CTNNA3: variants seen among roughly 807,000 people sequenced by gnomAD.
CTNNA3 encodes the protein catenin alpha-3.
CTNNA3 carries 76 observed loss-of-function variants against 95.7 expected under a neutral mutation model. That is an observed-to-expected ratio of 0.79 (90% CI 0.66 to 0.96). CTNNA3 has a LOEUF of 0.96. Ranked by LOEUF, CTNNA3 falls within the 40% of genes least tolerant of loss-of-function variation. CTNNA3 has a pLI of 0.00. For missense variants in CTNNA3, 1,191 were observed against 1,089.8 expected (o/e 1.09, Z -1.31); for synonymous variants, 431 against 374.4 (o/e 1.15, Z -1.74).
intron 5 of CTNNA3, among the ~76,000 whole-genome samples, chr10:67,364,276 C>T (rs114343525): frequency 0.017 from 2,578 of 152,206 alleles, 68 homozygotes; most frequent in African/African-American, 0.059. Flanking sequence ...AATTCAACAG[C>T]CTTTTATGTC....
chr10:67,583,820 C>T (rs187211951), intron 3 of CTNNA3, among the ~76,000 whole-genome samples: 2 of 152,274 alleles, frequency 1.3e-5, no homozygotes, highest in Non-Finnish European at 2.9e-5. Context: ...GATCTTCAAT[C>T]GCTGATACCC....
intron 5 of CTNNA3, among the ~76,000 whole-genome samples, chr10:67,340,031 T>C (rs993144960): frequency 1.3e-5 from 2 of 152,188 alleles, no homozygotes; most frequent in African/African-American, 4.8e-5. Context: ...TTTAAATGCC[T>C]AATAAAATAA....
At chr10:66,717,289 C>G (rs569998817) in intron 9 of CTNNA3, among the ~76,000 whole-genome samples, 2 of 152,144 alleles carry the variant, frequency 1.3e-5, no homozygotes, top group Non-Finnish European at 2.9e-5. Flanking sequence ...ATTCCATCTT[C>G]TTTTATCCCA....
chr10:66,266,641 C>T lies in CTNNA3; in HGVS notation c.1884+13829G>A, dbSNP rs1157797766. On this transcript the variant is annotated intron_variant, in intron 13 of 17. Coordinates refer to ENST00000433211, the MANE Select transcript of CTNNA3 (RefSeq NM_013266.4). ...CACTTCAATCCCTTCACCTTGGCTG[C>T]TCTAGTAGTGAACATGCCTGACTAC... 3.3e-5 allele frequency among the ~76,000 whole-genome samples: 5 copies of T among 152,044 alleles called. No individual in the cohort carries two copies. In the East Asian group the frequency reaches 5.8e-4, roughly 18 times the overall value.
intron 14 of CTNNA3, among the ~76,000 whole-genome samples, chr10:66,073,760 A>G (rs2080490070): frequency 6.6e-6 from 1 of 152,024 alleles, no homozygotes. Flanking sequence ...TCTGAATATG[A>G]TGGAATTGTG....
intron 1 of CTNNA3, among the ~76,000 whole-genome samples, chr10:67,739,846 C>G (rs1841325003): frequency 1.3e-5 from 2 of 152,144 alleles, no homozygotes; most frequent in African/African-American, 2.4e-5. Flanking sequence ...GGCCGCATCG[C>G]CAAGTCAATC....
intron 6 of CTNNA3, among the ~76,000 whole-genome samples, chr10:67,197,409 T>C (rs183515009): frequency 6.6e-6 from 1 of 152,200 alleles, no homozygotes; most frequent in Admixed American, 6.6e-5. Context: ...GCAGGTTAAG[T>C]ACAAGCCCTG....
At chr10:66,215,730 A>G (rs2088488100) in intron 13 of CTNNA3, among the ~76,000 whole-genome samples, 2 of 152,218 alleles carry the variant, frequency 1.3e-5, no homozygotes, top group Non-Finnish European at 1.5e-5. Context: ...AGAACCATGG[A>G]AGGAGGAGTG....
At chr10:66,013,926 C>T (rs2133400476) in intron 15 of CTNNA3, among the ~76,000 whole-genome samples, 2 of 152,140 alleles carry the variant, frequency 1.3e-5, no homozygotes, top group East Asian at 3.9e-4. Flanking sequence ...AAGCTGTTTG[C>T]CTTGACTAGA....
chr10:66,437,518 C>T (rs964098529), intron 11 of CTNNA3, among the ~76,000 whole-genome samples: 2 of 152,042 alleles, frequency 1.3e-5, no homozygotes, highest in Non-Finnish European at 2.9e-5. Context: ...AGTTCTCATG[C>T]TGTGTTTTTC....
intron 15 of CTNNA3, among the ~76,000 whole-genome samples, chr10:66,065,244 TG>T (rs1438782651): frequency 2.6e-4 from 40 of 151,974 alleles, no homozygotes; most frequent in African/African-American, 7.7e-4. Flanking sequence ...TTTTTTGTTT[TG>T]TTTTGTTTTG....
At position 66,331,338 on chromosome 10, in the gene CTNNA3, G is replaced by GCTTGCTTTTTTTTTTTTTTTTTTTTTT. The variant is rs1417713676; in HGVS notation, c.1732+47813_1732+47814insAAAAAAAAAAAAAAAAAAAAAAGCAAG. On this transcript the variant is annotated intron_variant, in intron 12 of 17. Transcript: ENST00000433211. ...TTAAATATGGACTCCTTTCCCCATT[G>GCTTGCTTTTTTTTTTTTTTTTTTTTTT]TTTGTTTTTTTTTTTTTTTTTTTTT... is the stretch of plus-strand genomic sequence containing the variant. 3.3e-4 allele frequency among the ~76,000 whole-genome samples: 13 copies of GCTTGCTTTTTTTTTTTTTTTTTTTTTT among 39,116 alleles called. 4 individuals carry two copies. The highest frequency in any genetic ancestry group is 7.9e-4 in the African/African-American group (11 of 13,984). The allele number at this position is 39,116 out of a possible 152,430, so 25.7% of individuals were successfully genotyped here. A position where few individuals can be genotyped will look rare whatever the true frequency, so the allele number is the denominator to read the frequency against.
At chr10:67,670,881 T>G (rs527511223) in intron 1 of CTNNA3, among the ~76,000 whole-genome samples, 19 of 152,282 alleles carry the variant, frequency 1.2e-4, no homozygotes, top group African/African-American at 4.6e-4. Context: ...TAACTTTATG[T>G]GTATGGATGT....
At chr10:67,087,933 T>C (rs1857399279) in intron 7 of CTNNA3, among the ~76,000 whole-genome samples, 1 of 152,046 alleles carries the variant, frequency 6.6e-6, no homozygotes, top group African/African-American at 2.4e-5. Flanking sequence ...CATGGAGAAA[T>C]ATGATTAGTC....
At chr10:67,055,849 C>G (rs960350899) in intron 7 of CTNNA3, among the ~76,000 whole-genome samples, 5 of 152,044 alleles carry the variant, frequency 3.3e-5, no homozygotes, top group Non-Finnish European at 7.4e-5. Flanking sequence ...GATAAGTTGC[C>G]ACTGTAAATG....
At chr10:67,355,994 T>G (rs1418449727) in intron 5 of CTNNA3, among the ~76,000 whole-genome samples, 9 of 151,942 alleles carry the variant, frequency 5.9e-5, no homozygotes, top group Non-Finnish European at 4.4e-5. Context: ...GCCTTACAAC[T>G]TTAAAGACCA....
At chr10:67,453,522 T>C (rs1410520710) in intron 5 of CTNNA3, among the ~76,000 whole-genome samples, 1 of 152,208 alleles carries the variant, frequency 6.6e-6, no homozygotes, top group Non-Finnish European at 1.5e-5. Context: ...TAGTCAGATC[T>C]AGATCAACAA....
intron 9 of CTNNA3, among the ~76,000 whole-genome samples, chr10:66,640,978 A>T (rs552773594): frequency 1.4e-4 from 22 of 152,302 alleles, no homozygotes; most frequent in African/African-American, 5.3e-4. Flanking sequence ...GGAGAAAAAA[A>T]CAAAAATCAT....
intron 16 of CTNNA3, among the ~76,000 whole-genome samples, chr10:65,978,856 C>T (rs2078261758): frequency 6.6e-6 from 1 of 152,040 alleles, no homozygotes; most frequent in Non-Finnish European, 1.5e-5. Flanking sequence ...CTTTGCTATG[C>T]CTATGACAGC....
Sources: gnomAD v4.1 joint callset for allele counts (sites outside exome capture counted in the v4.1 genomes callset) on GRCh38, gnomAD v4.1.1 for gene constraint, MANE v1.5 for transcripts, NCBI Gene and HGNC (gene_info 2026-07-23, HGNC 2026-07-21) for gene names.